The following SCCPDH variants were observed in gnomAD, a reference collection of about 807,000 sequenced individuals.
The protein encoded by SCCPDH is saccharopine dehydrogenase (putative).
Under a neutral mutation model 51.5 loss-of-function variants are expected in SCCPDH, and 34 were observed. The ratio of observed to expected loss-of-function variants is 0.66; its 90% CI spans 0.50 to 0.88. SCCPDH has a LOEUF of 0.88. Among genes scored for constraint, SCCPDH ranks in the 40% least tolerant of loss-of-function variants. The probability of loss-of-function intolerance (pLI) is 0.00; values close to 1 mark genes in which losing one functional copy is unlikely to be tolerated. For synonymous variants in SCCPDH, 187 were observed against 191.3 expected (o/e 0.98, Z 0.19); for missense variants, 464 against 527.1 (o/e 0.88, Z 1.17).
chr1:246,737,742 C>T (rs1179631054), intron 3 of SCCPDH, among the ~76,000 whole-genome samples: 1 of 152,044 alleles, frequency 6.6e-6, no homozygotes, highest in Non-Finnish European at 1.5e-5. Flanking sequence ...CAGGTGCACA[C>T]CACCACACCT....
intron 2 of SCCPDH, among the ~76,000 whole-genome samples, chr1:246,731,016 C>T (rs1286713652): frequency 3.9e-5 from 6 of 152,064 alleles, no homozygotes; most frequent in Non-Finnish European, 5.9e-5. Context: ...GCTGAGATTG[C>T]GCCATTGTAT....
intron 9 of SCCPDH, among the ~76,000 whole-genome samples, chr1:246,762,841 C>CAAAAAAA (rs35066232): frequency 2.2e-5 from 2 of 90,940 alleles, no homozygotes. Flanking sequence ...ATTCCTTCTC[C>CAAAAAAA]AAAAAAAAAA....
At position 246,764,380 on chromosome 1, in the gene SCCPDH, A is replaced by T. The variant is rs1379207774; in HGVS notation, c.1102+23A>T. The T allele has an allele frequency of 2.9e-6, 4 of 1,362,494 alleles. No homozygotes were observed. In the East Asian group the frequency reaches 9.2e-5, roughly 31 times the overall value. 84.4% of individuals were successfully genotyped at this position (1,362,494 alleles called of 1,614,324 possible). On this transcript the variant is annotated intron_variant, in intron 10 of 11. Transcript: ENST00000366510. Reference sequence around the variant, plus strand: ...CAGGTATTTCACATATCACTTAAGAATGCTTGGGAATTTTATACTCTTAAG... The same window carrying T: ...CAGGTATTTCACATATCACTTAAGATTGCTTGGGAATTTTATACTCTTAAG...
intron 11 of SCCPDH, among the ~76,000 whole-genome samples, chr1:246,766,507 C>T (rs957282246): frequency 6.6e-6 from 1 of 152,042 alleles, no homozygotes; most frequent in East Asian, 1.9e-4. Context: ...CAGTAGTAAC[C>T]CTGACTGACA....
At chr1:246,737,350 C>T (rs371607157) in intron 3 of SCCPDH, among the ~76,000 whole-genome samples, 5 of 151,854 alleles carry the variant, frequency 3.3e-5, no homozygotes, top group African/African-American at 9.7e-5. Flanking sequence ...GAGTTGGTAG[C>T]ACACACCTGT....
chr1:246,738,425 C>T (rs535894421), intron 3 of SCCPDH, among the ~76,000 whole-genome samples: 2 of 151,108 alleles, frequency 1.3e-5, no homozygotes, highest in South Asian at 2.1e-4. Flanking sequence ...GCAAGAGAAT[C>T]GCTTGAACCT....
In SCCPDH at chr1:246,738,479, C is replaced by G. The variant is rs186421549; in HGVS notation, c.385-1693C>G. Among the ~76,000 whole-genome samples the G allele has an allele frequency of 4.3e-4, 65 of 151,806 alleles. No homozygotes were observed. In the East Asian group the frequency reaches 7.5e-3, roughly 18 times the overall value. ...TGAGCCAAGATCATGCCACTGCACT[C>G]CAGCCTGGCGACAGAGTGGGACTCC... is the stretch of plus-strand genomic sequence containing the variant. On this transcript the variant is annotated intron_variant, in intron 3 of 11. Transcript: ENST00000366510.
Position 246,760,096 on chromosome 1 carries a change from A to G in SCCPDH, c.933+20A>G, listed in dbSNP as rs1338675512. ...ATAAAAGTAAGTAAGATTTTATGAAATTAGATTATTTTTATTAGAAGTATT... is the reference window on the plus strand; with the variant it reads ...ATAAAAGTAAGTAAGATTTTATGAAGTTAGATTATTTTTATTAGAAGTATT... On this transcript the variant is annotated intron_variant, in intron 8 of 11. Coordinates refer to ENST00000366510, the MANE Select transcript of SCCPDH (RefSeq NM_016002.3). The G allele has an allele frequency of 1.2e-6, 2 of 1,601,030 alleles. No individual in the cohort carries two copies. Among genetic ancestry groups the G allele is most frequent in the African/African-American group, 2.7e-5 (2 of 74,002 alleles).
chr1:246,726,513 T>A (rs1187861169), intron 1 of SCCPDH, among the ~76,000 whole-genome samples: 1 of 152,148 alleles, frequency 6.6e-6, no homozygotes, highest in Non-Finnish European at 1.5e-5. Context: ...GCTGAGCCAC[T>A]GCCCCTGGCC....
At chr1:246,737,231 A>AT (rs1474354448) in intron 3 of SCCPDH, among the ~76,000 whole-genome samples, 3 of 52,726 alleles carry the variant, frequency 5.7e-5, no homozygotes, top group African/African-American at 1.1e-4. Flanking sequence ...GAGGAAACAA[A>AT]TTAAAAAAAA....
intron 10 of SCCPDH, among the ~76,000 whole-genome samples, 162 bp downstream of exon 10, chr1:246,764,519 A>C (rs1190801174): frequency 6.6e-6 from 1 of 152,262 alleles, no homozygotes; most frequent in Non-Finnish European, 1.5e-5. Context: ...GATTGAAATT[A>C]TTGATATAAT....
chr1:246,726,584 C>T (rs1337446335), intron 1 of SCCPDH, among the ~76,000 whole-genome samples: 1 of 152,100 alleles, frequency 6.6e-6, no homozygotes, highest in African/African-American at 2.4e-5. Flanking sequence ...GTTATCTGCT[C>T]AGCATTTAAA....
intron 4 of SCCPDH, among the ~76,000 whole-genome samples, chr1:246,743,289 T>TA (rs1668707067): frequency 6.6e-6 from 1 of 151,946 alleles, no homozygotes; most frequent in Non-Finnish European, 1.5e-5. Context: ...GCTAATTTTT[T>TA]TAAAAAAATT....
intron 4 of SCCPDH, among the ~76,000 whole-genome samples, chr1:246,742,570 T>C (rs917299480): frequency 6.6e-6 from 1 of 152,262 alleles, no homozygotes; most frequent in Admixed American, 6.5e-5. Flanking sequence ...CTCTAGTGAG[T>C]TATACGTTAA....
intron 5 of SCCPDH, among the ~76,000 whole-genome samples, chr1:246,756,170 C>T (rs4130317): frequency 0.3 from 45,415 of 152,102 alleles, 7,668 homozygotes; most frequent in South Asian, 0.39. Context: ...ACTTACAACA[C>T]GTGGTAAATC....
chr1:246,765,986 T>G, intron 10 of SCCPDH, 72 bp from the exon 11 acceptor site: 5 of 980,878 alleles, frequency 5.1e-6, no homozygotes, highest in Non-Finnish European at 6.3e-6. Context: ...AAATCTACCA[T>G]TTGATTTTTG....
Position 246,767,526 on chromosome 1 carries a change from A to G in SCCPDH, c.*226A>G. 1 of 292,002 alleles carries G rather than the reference A, an allele frequency of 3.4e-6. No individual in the cohort carries two copies. 18.1% of individuals were successfully genotyped at this position (292,002 alleles called of 1,614,324 possible). On this transcript the variant is annotated 3_prime_UTR_variant, in exon 12 of 12. Transcript: ENST00000366510. Reference sequence around the variant, plus strand: ...ATAACAGAGAACTCATATTTGACATATTTTTTTCATTGATGTGTTCCTGGT... The same window carrying G: ...ATAACAGAGAACTCATATTTGACATGTTTTTTTCATTGATGTGTTCCTGGT...
intron 5 of SCCPDH, among the ~76,000 whole-genome samples, chr1:246,757,365 A>AAG (rs397940995): frequency 6.7e-6 from 1 of 149,406 alleles, no homozygotes; most frequent in African/African-American, 2.5e-5. Flanking sequence ...AAAAAAAAAA[A>AAG]GGGCCAGCGC....
chr1:246,756,632 T>G (rs1355031703), intron 5 of SCCPDH, among the ~76,000 whole-genome samples: 2 of 152,250 alleles, frequency 1.3e-5, no homozygotes, highest in East Asian at 3.8e-4. Flanking sequence ...ATAGGCCCTT[T>G]TGGCTAGGCT....
Sources: gnomAD v4.1 joint callset for allele counts (sites outside exome capture counted in the v4.1 genomes callset) on GRCh38, gnomAD v4.1.1 for gene constraint, MANE v1.5 for transcripts, NCBI Gene and HGNC (gene_info 2026-07-23, HGNC 2026-07-21) for gene names.